The following CCDC171 variants were observed in gnomAD, a reference collection of about 807,000 sequenced individuals.
The protein encoded by CCDC171 is coiled-coil domain containing 171.
In CCDC171, 177 loss-of-function variants were observed where a neutral mutation model predicts 168.2. The observed-to-expected ratio is 1.05, with a 90% CI of 0.93 to 1.19. CCDC171 has a LOEUF of 1.19. CCDC171 is among the 50% of genes most tolerant of loss of function. The pLI is 0.00. For missense variants in CCDC171, 1,991 were observed against 1,539.0 expected (o/e 1.29, Z -4.91); for synonymous variants, 687 against 540.8 (o/e 1.27, Z -3.75).
chr9:15,838,954 G>C (rs2060563177), intron 21 of CCDC171, among the ~76,000 whole-genome samples: 1 of 152,150 alleles, frequency 6.6e-6, no homozygotes, highest in Non-Finnish European at 1.5e-5. Context: ...TACAGGGAAA[G>C]TTAAGTGCTG....
chr9:15,890,783 A>G (rs534520891), intron 24 of CCDC171, among the ~76,000 whole-genome samples: 41 of 152,280 alleles, frequency 2.7e-4, no homozygotes, highest in African/African-American at 4.1e-4. Flanking sequence ...AATGGTAACA[A>G]TATTTTTTTC....
At position 15,564,024 on chromosome 9, in the gene CCDC171, A is replaced by T. The variant is rs1461744834; in HGVS notation, c.-65A>T. 4.6e-6 allele frequency: 6 copies of T among 1,314,540 alleles called. No homozygotes were observed. The African/African-American group carries it at 8.8e-5, about 19-fold the overall frequency. 81.4% of individuals were successfully genotyped at this position (1,314,540 alleles called of 1,614,324 possible). A position where few individuals can be genotyped will look rare whatever the true frequency, so the allele number is the denominator to read the frequency against. ...AGCCACAGACATCTTGGGCAATTTT[A>T]ATCATCAAGAAAGAAATATGTCATT... On this transcript the variant is annotated 5_prime_UTR_variant, in exon 2 of 26. Transcript: ENST00000380701.
At chr9:16,091,511 G>A in the CCDC171 span, among the ~76,000 whole-genome samples, 11 of 152,138 alleles carry the variant, frequency 7.2e-5, no homozygotes, top group Non-Finnish European at 1.3e-4. Context: ...AAATGCTCTG[G>A]GACAACTGGT....
the CCDC171 span, among the ~76,000 whole-genome samples, chr9:16,080,034 T>C: frequency 1.3e-5 from 2 of 152,140 alleles, no homozygotes; most frequent in East Asian, 1.9e-4. Flanking sequence ...TGGCATCAGC[T>C]TCTTCTTACA....
chr9:15,997,754 C>A (rs2987037), intron 3 of CCDC171, among the ~76,000 whole-genome samples: 126,593 of 152,162 alleles, frequency 0.83, 52,765 homozygotes, highest in East Asian at 0.96. Context: ...GAGGGATTTG[C>A]GTCCCTGATG....
At chr9:15,556,509 C>T (rs2038811341) in intron 1 of CCDC171, among the ~76,000 whole-genome samples, 1 of 152,072 alleles carries the variant, frequency 6.6e-6, no homozygotes, top group Non-Finnish European at 1.5e-5. Context: ...AGTATTTTTT[C>T]ATGTGTCTGT....
At chr9:15,616,970 G>A (rs1259130720) in intron 6 of CCDC171, among the ~76,000 whole-genome samples, 1 of 152,142 alleles carries the variant, frequency 6.6e-6, no homozygotes, top group Non-Finnish European at 1.5e-5. Context: ...ACATCTGCTC[G>A]GCTTCTGGGG....
chr9:15,802,759 T>C (rs2058889046), intron 21 of CCDC171, among the ~76,000 whole-genome samples: 1 of 152,186 alleles, frequency 6.6e-6, no homozygotes, highest in African/African-American at 2.4e-5. Flanking sequence ...TTATATTCCT[T>C]TGGGTATGTA....
chr9:15,564,290 T>C (rs535403235), intron 2 of CCDC171, among the ~76,000 whole-genome samples, 161 bp downstream of exon 2: 2 of 152,332 alleles, frequency 1.3e-5, no homozygotes, highest in South Asian at 2.1e-4. Flanking sequence ...CTCATAAGAA[T>C]TGGAACTGAT....
At chr9:15,753,312 G>C (rs747140559) in intron 18 of CCDC171, among the ~76,000 whole-genome samples, 2 of 152,162 alleles carry the variant, frequency 1.3e-5, no homozygotes, top group African/African-American at 2.4e-5. Flanking sequence ...GAAGGGCATG[G>C]TTAAGCAGAG....
At chr9:15,924,132 G>A (rs1049622022) in intron 25 of CCDC171, among the ~76,000 whole-genome samples, 2 of 151,384 alleles carry the variant, frequency 1.3e-5, no homozygotes, top group African/African-American at 2.4e-5. Flanking sequence ...TTCTAAAGAA[G>A]CTCCAAACAG....
At chr9:15,946,551 C>G (rs575621730) in intron 25 of CCDC171, among the ~76,000 whole-genome samples, 1 of 152,012 alleles carries the variant, frequency 6.6e-6, no homozygotes. Context: ...ACATTCCATG[C>G]TCATGGGTAG....
chr9:15,915,276 A>G (rs547460192), intron 24 of CCDC171, among the ~76,000 whole-genome samples: 7 of 152,108 alleles, frequency 4.6e-5, no homozygotes, highest in African/African-American at 1.2e-4. Flanking sequence ...TATTTTTCCA[A>G]TTGTTTGTGT....
At chr9:15,904,608 A>G (rs959835943) in intron 24 of CCDC171, among the ~76,000 whole-genome samples, 1 of 152,214 alleles carries the variant, frequency 6.6e-6, no homozygotes, top group Non-Finnish European at 1.5e-5. Flanking sequence ...GAAAAACTGC[A>G]TCAACTAACG....
intron 18 of CCDC171, among the ~76,000 whole-genome samples, chr9:15,752,662 T>C (rs532685501): frequency 6.6e-6 from 1 of 152,264 alleles, no homozygotes; most frequent in African/African-American, 2.4e-5. Flanking sequence ...AAACAGCGCA[T>C]GTTCTCACTC....
rs2060300161 is a variant in CCDC171 at position 15,833,038 on chromosome 9, A to G, written c.3268-13664A>G. On this transcript the variant is annotated intron_variant, in intron 21 of 25. Coordinates refer to ENST00000380701, the MANE Select transcript of CCDC171 (RefSeq NM_173550.4). ...AGTCCTGCTCTGTTGCCCAGGCTGG[A>G]ATGCAGTGGCGCGATTTCGGCTCAC... Among the ~76,000 whole-genome samples, 3 of 131,758 alleles carry G rather than the reference A, an allele frequency of 2.3e-5. No individual in the cohort carries two copies. In the Admixed American group the frequency reaches 2.8e-4, roughly 12 times the overall value. The allele number at this position is 131,758 out of a possible 152,430, so 86.4% of individuals were successfully genotyped here.
intron 6 of CCDC171, among the ~76,000 whole-genome samples, chr9:15,608,391 A>C (rs2043375876): frequency 6.6e-6 from 1 of 152,180 alleles, no homozygotes; most frequent in Non-Finnish European, 1.5e-5. Context: ...AGTGCGTATA[A>C]AATATGTGCC....
chr9:15,896,800 C>A (rs543351086), intron 24 of CCDC171, among the ~76,000 whole-genome samples: 2 of 151,974 alleles, frequency 1.3e-5, no homozygotes, highest in African/African-American at 4.8e-5. Context: ...AGTGGTGGCC[C>A]AGACCAGTCT....
At chr9:15,719,202 C>T (rs953096892) in intron 11 of CCDC171, among the ~76,000 whole-genome samples, 1 of 151,858 alleles carries the variant, frequency 6.6e-6, no homozygotes, top group African/African-American at 2.4e-5. Context: ...AAGAATGTGT[C>T]AAAGTCTCTT....
Sources: allele counts gnomAD v4.1 joint callset (sites outside exome capture counted in the v4.1 genomes callset), GRCh38; gene constraint gnomAD v4.1.1; transcripts MANE v1.5; gene names NCBI Gene and HGNC (gene_info 2026-07-23, HGNC 2026-07-21).